Variants in SEC14L1 observed in about 807,000 individuals in gnomAD.
The protein encoded by SEC14L1 is SEC14-like protein 1.
SEC14L1 carries 48 observed loss-of-function variants against 85.3 expected under a neutral mutation model. The observed-to-expected ratio is 0.56, with a 90% CI of 0.45 to 0.72. SEC14L1 has a LOEUF of 0.72. Ranked by LOEUF, SEC14L1 falls within the 30% of genes least tolerant of loss-of-function variation. The probability of loss-of-function intolerance (pLI) is 0.00; values close to 1 mark genes in which losing one functional copy is unlikely to be tolerated. For synonymous variants in SEC14L1, 391 were observed against 355.5 expected (o/e 1.10, Z -1.12); for missense variants, 682 against 921.4 (o/e 0.74, Z 3.36).
intron 8 of SEC14L1, among the ~76,000 whole-genome samples, chr17:77,198,075 T>A (rs1337910638): frequency 6.6e-6 from 1 of 152,252 alleles, no homozygotes; most frequent in East Asian, 1.9e-4. Context: ...TATTCCTTAT[T>A]TGATATTACA....
intron 3 of SEC14L1, among the ~76,000 whole-genome samples, chr17:77,133,213 A>G (rs563705519): frequency 4.3e-4 from 66 of 152,174 alleles, no homozygotes; most frequent in African/African-American, 1.3e-3. Context: ...TGCTTTTGTT[A>G]TGGTAGAGAA....
chr17:77,137,681 T>G (rs956866679), upstream of SEC14L1, among the ~76,000 whole-genome samples: 1 of 152,256 alleles, frequency 6.6e-6, no homozygotes, highest in African/African-American at 2.4e-5. Flanking sequence ...TGTGTCAACA[T>G]GACTTACTAT....
chr17:77,195,462 G>A (rs533552564), intron 7 of SEC14L1, among the ~76,000 whole-genome samples: 5 of 152,248 alleles, frequency 3.3e-5, no homozygotes, highest in Admixed American at 6.5e-5. Context: ...GGGACCACAG[G>A]CATGTGCCAC....
intron 3 of SEC14L1, among the ~76,000 whole-genome samples, chr17:77,130,385 C>T (rs991998619): frequency 1.3e-4 from 20 of 152,034 alleles, no homozygotes; most frequent in Non-Finnish European, 2.6e-4. Flanking sequence ...GGCGCTGTCT[C>T]GGCTCACTGC....
At chr17:77,099,396 T>C (rs941776860) in intron 3 of SEC14L1, among the ~76,000 whole-genome samples, 1 of 152,312 alleles carries the variant, frequency 6.6e-6, no homozygotes, top group Non-Finnish European at 1.5e-5. Flanking sequence ...CTTTGCTCAG[T>C]TGTCATCTTC....
At chr17:77,180,113 TA>T (rs1974962376) in intron 3 of SEC14L1, among the ~76,000 whole-genome samples, 1 of 151,594 alleles carries the variant, frequency 6.6e-6, no homozygotes, top group South Asian at 2.1e-4. Flanking sequence ...TTTATGATGT[TA>T]TTTTTTTGAG....
rs1976479193 is a variant in SEC14L1, at chr17:77,206,672, T to C, written c.1342-56T>C. ...TCAGAATACCACATTGTCATTTTAA[T>C]CTTGGACACTCAGGCAGCAGAGAAA... On this transcript the variant is annotated intron_variant, in intron 12 of 16. Coordinates refer to ENST00000436233, the MANE Select transcript of SEC14L1 (RefSeq NM_001143998.2). The surrounding 1 kb of genome is among the most constrained non-coding windows in gnomAD (Gnocchi z 4.3). 2 of 1,553,724 alleles carry C rather than the reference T, an allele frequency of 1.3e-6. No homozygotes were observed. The highest frequency in any genetic ancestry group is 4.0e-5 in the Admixed American group (2 of 50,186).
rs1204110877 is a variant in SEC14L1 at position 77,213,989 on chromosome 17, G to A, written c.2114G>A (p.Ser705Asn). 1.9e-6 allele frequency: 3 copies of A among 1,613,212 alleles called. No homozygotes were observed. The African/African-American group carries it at 4.0e-5, about 22-fold the overall frequency. Residue 705 changes from serine (S) to asparagine (N), a missense_variant, in exon 17 of 17, where the codon AGC becomes AAC. Around this residue, in one of 3 missense-constraint regions of SEC14L1, gnomAD observed 420 missense variants for 619.5 expected, o/e 0.68. Transcript: ENST00000436233. This position sits in a 1 kb window ranked among gnomAD's most constrained non-coding sequence, Gnocchi z 7.1. ...SQLSAATTSS[S>N]QSHSSSMISR is the part of the protein sequence containing the mutation. ...CTGAGTGCCGCCACCACCTCCTCCAGCCAGTCCCACTCCAGCTCCATGATC... is the reference window on the plus strand; with the variant it reads ...CTGAGTGCCGCCACCACCTCCTCCAACCAGTCCCACTCCAGCTCCATGATC...
At chr17:77,185,843 T>C (rs574119547) in intron 3 of SEC14L1, among the ~76,000 whole-genome samples, 7 of 152,292 alleles carry the variant, frequency 4.6e-5, no homozygotes, top group South Asian at 4.1e-4. Context: ...ATGGGACTTA[T>C]CTGTGGTGGG....
intron 3 of SEC14L1, among the ~76,000 whole-genome samples, chr17:77,126,667 C>T (rs142821335): frequency 2.6e-5 from 4 of 152,328 alleles, no homozygotes; most frequent in Non-Finnish European, 4.4e-5. Context: ...GCACGGGAAC[C>T]TTGGAACAAG....
At chr17:77,111,817 G>A (rs1266050926) in intron 3 of SEC14L1, among the ~76,000 whole-genome samples, 1 of 152,178 alleles carries the variant, frequency 6.6e-6, no homozygotes, top group African/African-American at 2.4e-5. Flanking sequence ...TGTCTCAGAT[G>A]AGACTTTGGA....
intron 3 of SEC14L1, among the ~76,000 whole-genome samples, chr17:77,178,822 A>G (rs1161673350): frequency 6.6e-6 from 1 of 152,228 alleles, no homozygotes; most frequent in Non-Finnish European, 1.5e-5. Context: ...CGTTCTCAGC[A>G]GCGCACGGAC....
At chr17:77,169,772 GC>G (rs1269185229) in intron 3 of SEC14L1, among the ~76,000 whole-genome samples, 1 of 152,116 alleles carries the variant, frequency 6.6e-6, no homozygotes, top group Non-Finnish European at 1.5e-5. Context: ...TAGCTCCTGG[GC>G]CATAGAAGTG....
intron 3 of SEC14L1, among the ~76,000 whole-genome samples, chr17:77,186,513 C>T (rs184339382): frequency 6.6e-6 from 1 of 152,364 alleles, no homozygotes; most frequent in East Asian, 1.9e-4. Context: ...TCATTGACTC[C>T]CTTCCCTCCC....
chr17:77,155,257 C>T (rs947103811), intron 3 of SEC14L1, among the ~76,000 whole-genome samples: 1 of 152,164 alleles, frequency 6.6e-6, no homozygotes, highest in African/African-American at 2.4e-5. Context: ...TTTAATGCCT[C>T]TGAAACAGAG....
At chr17:77,111,912 C>G (rs1356154139) in intron 3 of SEC14L1, among the ~76,000 whole-genome samples, 1 of 152,146 alleles carries the variant, frequency 6.6e-6, no homozygotes, top group Non-Finnish European at 1.5e-5. Context: ...AATGTGAGGA[C>G]ATGAGATTTG....
At chr17:77,107,337 G>C (rs918102989) in intron 3 of SEC14L1, among the ~76,000 whole-genome samples, 9 of 152,166 alleles carry the variant, frequency 5.9e-5, no homozygotes, top group Non-Finnish European at 1.2e-4. Flanking sequence ...AGGGATGGAG[G>C]CTCAGGGACG....
intron 10 of SEC14L1, among the ~76,000 whole-genome samples, chr17:77,204,913 G>C (rs1326649062): frequency 6.6e-6 from 1 of 152,136 alleles, no homozygotes; most frequent in Non-Finnish European, 1.5e-5. Context: ...CTCTTGGCGG[G>C]CACATGTGGT....
chr17:77,145,610 T>C (rs1280758315), intron 3 of SEC14L1, among the ~76,000 whole-genome samples: 1 of 152,258 alleles, frequency 6.6e-6, no homozygotes, highest in Non-Finnish European at 1.5e-5. Flanking sequence ...TTGCATGTTA[T>C]CTGTGCTGTT....
Sources: allele counts gnomAD v4.1 joint callset (sites outside exome capture counted in the v4.1 genomes callset), GRCh38; gene constraint gnomAD v4.1.1; regional missense constraint gnomAD v4.1.1; non-coding constraint Gnocchi (gnomAD v3.1); transcripts MANE v1.5; gene names NCBI Gene and HGNC (gene_info 2026-07-23, HGNC 2026-07-21).